Variants in HPS4 observed in about 807,000 individuals in gnomAD.
HPS4 encodes HPS4 biogenesis of lysosomal organelles complex 3 subunit 2.
A neutral mutation model predicts 70.3 loss-of-function variants in HPS4; 44 were observed. The ratio of observed to expected loss-of-function variants is 0.63; its 90% CI spans 0.49 to 0.80. HPS4 has a LOEUF of 0.80. Ranked by LOEUF, HPS4 falls within the 30% of genes least tolerant of loss-of-function variation. HPS4 has a pLI of 0.00. For missense variants in HPS4, 873 were observed against 884.4 expected (o/e 0.99, Z 0.16); for synonymous variants, 377 against 355.9 (o/e 1.06, Z -0.67).
chr22:26,465,234 C>A (rs1490320981), intron 10 of HPS4, among the ~76,000 whole-genome samples: 1 of 152,196 alleles, frequency 6.6e-6, no homozygotes, highest in Non-Finnish European at 1.5e-5. Context: ...GGTCCCATAG[C>A]TGGTATAAGT....
chr22:26,477,465 G>T (rs955201176), intron 3 of HPS4, among the ~76,000 whole-genome samples: 1 of 152,164 alleles, frequency 6.6e-6, no homozygotes, highest in African/African-American at 2.4e-5. Context: ...CTGTTGCTAG[G>T]ATTATAGGCA....
In HPS4 at chr22:26,452,636, C is replaced by T. The variant is rs983447267; in HGVS notation, c.*597G>A. Reference sequence around the variant, plus strand: ...CCCATTGTGGGTCCAAAGAAGACGCCCCTAGATTTGAGTAGAGTTCCAACA... The same window carrying T: ...CCCATTGTGGGTCCAAAGAAGACGCTCCTAGATTTGAGTAGAGTTCCAACA... On this transcript the variant is annotated 3_prime_UTR_variant, in exon 14 of 14. Transcript: ENST00000398145. The T allele has an allele frequency of 3.1e-5, 8 of 260,612 alleles. No individual in the cohort carries two copies. The highest frequency in any genetic ancestry group is 3.8e-5 in the Non-Finnish European group (5 of 131,156). The allele number at this position is 260,612 out of a possible 1,614,324, so 16.1% of individuals were successfully genotyped here.
rs529950625 is a variant in HPS4 at position 26,460,356 on chromosome 22, G to A, written c.1714-1779C>T. Reference sequence around the variant, plus strand: ...TGACCAACACTGCGTTTAACACTGAGCCTCTTATTTGAACAGATGTGTGTG... The same window carrying A: ...TGACCAACACTGCGTTTAACACTGAACCTCTTATTTGAACAGATGTGTGTG... On this transcript the variant is annotated intron_variant, in intron 11 of 13. Transcript: ENST00000398145. Among the ~76,000 whole-genome samples the A allele has an allele frequency of 5.3e-5, 8 of 152,348 alleles. No individual in the cohort carries two copies. The South Asian group carries it at 1.0e-3, about 20-fold the overall frequency.
At chr22:26,470,142 T>C (rs971220801) in intron 7 of HPS4, among the ~76,000 whole-genome samples, 4 of 152,348 alleles carry the variant, frequency 2.6e-5, no homozygotes, top group African/African-American at 4.8e-5. Context: ...AAACCCTCCA[T>C]GAGGAGAGAG....
chr22:26,456,151 CCCACCCAGGCTCCCTGTCAGTCCA>C (rs2086096273), intron 13 of HPS4, among the ~76,000 whole-genome samples: 1 of 152,178 alleles, frequency 6.6e-6, no homozygotes, highest in South Asian at 2.1e-4. Flanking sequence ...ATCCTAATCA[CCCACCCAGGCTCCCTGTCAGTCCA>C]CCACCCATGC....
At chr22:26,468,306 ACCAAGATTTCCTTG>A (rs2089099241) in intron 8 of HPS4, 2 of 559,316 alleles carry the variant, frequency 3.6e-6, no homozygotes, top group East Asian at 6.1e-5. Flanking sequence ...GTCGAATTCA[ACCAAGATTTCCTTG>A]GTTTGAAGAA....
chr22:26,477,936 T>C (rs1441192796), intron 3 of HPS4, among the ~76,000 whole-genome samples: 1 of 152,010 alleles, frequency 6.6e-6, no homozygotes, highest in Non-Finnish European at 1.5e-5. Context: ...GGACTTAAAA[T>C]ACAAAATAAC....
At chr22:26,473,496 G>A (rs1311965458) in intron 4 of HPS4, among the ~76,000 whole-genome samples, 6 of 152,298 alleles carry the variant, frequency 3.9e-5, no homozygotes, top group East Asian at 1.9e-4. Context: ...GGCCGGGCAC[G>A]GTGGCTCATG....
rs113242819 is a variant in HPS4, at chr22:26,464,590, C to T, written c.1040G>A (p.Gly347Asp). The change falls in exon 11 of 14, where the codon GGT (glycine) becomes GAT (aspartate). Residue 347 changes from glycine to aspartate, a missense_variant. Gly to Asp is a moderately conservative substitution (Grantham distance 94). Transcript: ENST00000398145. ...GGAGGAGCTGAGGCCAAGAACCTCA[C>T]CCCTGGCAGAGTTGTGCAGTCCTGC... ...RPAGLHNSAR[G>D]EVLGLSSSLG... 17 of 1,614,088 alleles carry T rather than the reference C, an allele frequency of 1.1e-5. No homozygotes were observed. In the Admixed American group the frequency reaches 2.5e-4, roughly 24 times the overall value.
At position 26,481,740 on chromosome 22, in the gene HPS4, T is replaced by C. The variant is rs142329133; in HGVS notation, c.23A>G (p.Glu8Gly). The change falls in exon 2 of 14, where the codon GAG becomes GGG. Residue 8 changes from glutamate to glycine, a missense_variant. Glu to Gly is a moderately conservative substitution (Grantham distance 98). Coordinates refer to ENST00000398145, the MANE Select transcript of HPS4 (RefSeq NM_022081.6). The stretch of plus-strand genomic sequence containing the variant: ...TACTCACCACGAGGCTGACTTTGCC[T>C]CTGTGGAGGTAGAGGTGGCCATCTA... MATSTSTEAKSASWWNYF... is the reference protein window; with the variant it reads MATSTSTGAKSASWWNYF... The C allele has an allele frequency of 6.2e-7, 1 of 1,614,170 alleles. No homozygotes were observed. The highest frequency in any genetic ancestry group is 1.7e-5 in the Admixed American group (1 of 60,022).
At chr22:26,473,351 A>T (rs1413967312) in intron 4 of HPS4, among the ~76,000 whole-genome samples, 1 of 151,996 alleles carries the variant, frequency 6.6e-6, no homozygotes, top group East Asian at 1.9e-4. Context: ...CAGGACTCAA[A>T]CTCCTTCATG....
Position 26,463,969 on chromosome 22 carries a change from G to C in HPS4, c.1661C>G (p.Ser554Cys). The change falls in exon 11 of 14, where the codon TCC becomes TGC. Residue 554 changes from serine to cysteine, a missense_variant. Physicochemically the swap from Ser to Cys is moderately radical, Grantham distance 112. Transcript: ENST00000398145. ...YTHCVKGLVL[S>C]LLAEEPLLGD... ...CAGCAGCGGCTCCTCAGCCAGCAGG[G>C]ACAGCACCAGCCCTTTGACGCAGTG... The C allele has an allele frequency of 6.2e-7, 1 of 1,614,190 alleles. No individual in the cohort carries two copies. Among genetic ancestry groups the C allele is most frequent in the African/African-American group, 1.3e-5 (1 of 75,060 alleles).
intron 1 of HPS4, chr22:26,482,772 C>T (rs2091418970): frequency 6.6e-6 from 1 of 152,208 alleles, no homozygotes; most frequent in Admixed American, 6.5e-5. Flanking sequence ...TTACACCCTC[C>T]AGAGATGCGT....
In HPS4 at chr22:26,463,895, GAGA is replaced by G. The variant is rs1272761492; in HGVS notation, c.1713+19_1713+21del. On this transcript the variant is annotated intron_variant, in intron 11 of 13. Coordinates refer to ENST00000398145, the MANE Select transcript of HPS4 (RefSeq NM_022081.6). ...ATCGGCAGAGGCCGCAGAGGGGCAG[GAGA>G]AGGTCTGAGGACACTCACCACTTCC... The G allele has an allele frequency of 2.5e-6, 4 of 1,610,558 alleles. No individual in the cohort carries two copies. Among genetic ancestry groups the G allele is most frequent in the East Asian group, 2.2e-5 (1 of 44,888 alleles).
At position 26,482,157 on chromosome 22, in the gene HPS4, T is replaced by G. The variant is rs147631281; in HGVS notation, c.-395A>C. 5.6e-4 allele frequency: 150 copies of G among 265,930 alleles called. 2 individuals carry two copies. The highest frequency in any genetic ancestry group is 8.2e-4 in the Non-Finnish European group (110 of 134,452). 16.5% of individuals were successfully genotyped at this position (265,930 alleles called of 1,614,324 possible). On this transcript the variant is annotated 5_prime_UTR_variant, in exon 2 of 14. Transcript: ENST00000398145. The stretch of plus-strand genomic sequence containing the variant: ...GCTAGAGCTGGTGTTCTAAAGAAAT[T>G]TCTAGCTTGTCTAGTTCAAACCCAT...
At chr22:26,458,136 T>C (rs958156139) in intron 12 of HPS4, among the ~76,000 whole-genome samples, 169 bp from the exon 13 acceptor site, 23 of 152,274 alleles carry the variant, frequency 1.5e-4, no homozygotes, top group African/African-American at 5.5e-4. Context: ...GCCGCCGCTG[T>C]GCGATGCAGC....
intron 7 of HPS4, among the ~76,000 whole-genome samples, chr22:26,468,964 A>G (rs1218100456): frequency 6.6e-6 from 1 of 152,258 alleles, no homozygotes; most frequent in Non-Finnish European, 1.5e-5. Flanking sequence ...TGCAGTCCTC[A>G]TAAGAATGAG....
intron 1 of HPS4, among the ~76,000 whole-genome samples, chr22:26,483,459 C>G (rs2091514086): frequency 2.0e-5 from 3 of 152,210 alleles, no homozygotes; most frequent in South Asian, 4.1e-4. Flanking sequence ...AAAACGGACG[C>G]TAATGGCTGG....
At chr22:26,483,071 T>G (rs1012465593) in intron 1 of HPS4, among the ~76,000 whole-genome samples, 6 of 152,200 alleles carry the variant, frequency 3.9e-5, no homozygotes, top group Non-Finnish European at 5.9e-5. Context: ...CGACCCCCAT[T>G]GAATATTTGA....
Sources: gnomAD v4.1 joint callset for allele counts (sites outside exome capture counted in the v4.1 genomes callset) on GRCh38, gnomAD v4.1.1 for gene constraint, MANE v1.5 for transcripts, NCBI Gene and HGNC (gene_info 2026-07-23, HGNC 2026-07-21) for gene names.